The following BRD1 variants were observed in gnomAD, a reference collection of about 807,000 sequenced individuals.
The protein encoded by BRD1 is bromodomain containing 1.
A neutral mutation model predicts 107.7 loss-of-function variants in BRD1; 24 were observed. The observed-to-expected ratio is 0.22, with a 90% CI of 0.16 to 0.31. The LOEUF (loss-of-function observed/expected upper bound fraction) is 0.31, where lower values mean the gene tolerates loss of function less well. Ranked by LOEUF, BRD1 falls within the 10% of genes least tolerant of loss-of-function variation. The pLI is 1.00. For synonymous variants in BRD1, 744 were observed against 686.1 expected (o/e 1.08, Z -1.32); for missense variants, 1,279 against 1,638.6 (o/e 0.78, Z 3.79).
rs2060123354 is a variant in BRD1, at chr22:49,824,346, A to G, written c.-14-15T>C. On this transcript the variant is annotated splice_polypyrimidine_tract_variant and intron_variant, in intron 1 of 12. Transcript: ENST00000404760. This position sits in a 1 kb window ranked among gnomAD's most constrained non-coding sequence, Gnocchi z 5.9. ...GTAATGATTACCTAAAATGAAGGCA[A>G]AAGTAAAGGTAATTCTACGCAGGGT... is the stretch of plus-strand genomic sequence containing the variant. 6.2e-7 allele frequency: 1 copy of G among 1,608,690 alleles called. No homozygotes were observed. The highest frequency in any genetic ancestry group is 1.3e-5 in the African/African-American group (1 of 74,700).
chr22:49,793,061 G>T (rs2059464098), intron 7 of BRD1, among the ~76,000 whole-genome samples: 2 of 152,206 alleles, frequency 1.3e-5, no homozygotes, highest in South Asian at 2.1e-4. Flanking sequence ...ATGTGCAGGG[G>T]AAGGGCAAGA....
rs2059453619 is a variant in BRD1, at chr22:49,792,505, G to GA, written c.2359+1528dup. Among the ~76,000 whole-genome samples, 2 of 152,204 alleles carry GA rather than the reference G, an allele frequency of 1.3e-5. No homozygotes were observed. The highest frequency in any genetic ancestry group is 2.4e-5 in the African/African-American group (1 of 41,436). On this transcript the variant is annotated intron_variant, in intron 7 of 12. Transcript: ENST00000404760. The surrounding 1 kb of genome is among the most constrained non-coding windows in gnomAD (Gnocchi z 4.2). ...GGGTCCTGTAGGCAAACGTTCCTCAGAAAAAACACGAGGCCCCCAAAGCAG... is the reference window on the plus strand; with the variant it reads ...GGGTCCTGTAGGCAAACGTTCCTCAGAAAAAAACACGAGGCCCCCAAAGCAG...
chr22:49,806,452 T>TA, intron 2 of BRD1: 1 of 151,748 alleles, frequency 6.6e-6, no homozygotes, highest in African/African-American at 2.4e-5. Flanking sequence ...ACCCCAAAAT[T>TA]AGAGTGAGGA....
intron 7 of BRD1, among the ~76,000 whole-genome samples, chr22:49,791,737 C>T (rs6009876): frequency 0.05 from 7,644 of 152,016 alleles, 570 homozygotes; most frequent in African/African-American, 0.16. Context: ...CGCCCCACCT[C>T]TCCAGAGACC....
chr22:49,826,153 G>A lies in BRD1; in HGVS notation c.-15+1344C>T, dbSNP rs1035664407. ...AGAAGCAACAGTTGGTTACTCACCAGATCAGAAACGAACCTGTCATTTTCC... is the reference window on the plus strand; with the variant it reads ...AGAAGCAACAGTTGGTTACTCACCAAATCAGAAACGAACCTGTCATTTTCC... On this transcript the variant is annotated intron_variant, in intron 1 of 12. Transcript: ENST00000404760. 9.1e-6 allele frequency: 9 copies of A among 984,786 alleles called. No individual in the cohort carries two copies. The South Asian group carries it at 4.2e-4, about 46-fold the overall frequency. The allele number at this position is 984,786 out of a possible 1,614,324, so 61.0% of individuals were successfully genotyped here. A position where few individuals can be genotyped will look rare whatever the true frequency, so the allele number is the denominator to read the frequency against.
chr22:49,799,441 C>T (rs2059599954), intron 3 of BRD1, among the ~76,000 whole-genome samples: 1 of 152,202 alleles, frequency 6.6e-6, no homozygotes, highest in East Asian at 1.9e-4. Context: ...CTTCACAGAA[C>T]CAGAAAGGCC....
At chr22:49,788,695 G>A (rs541061079) in intron 7 of BRD1, among the ~76,000 whole-genome samples, 11 of 152,168 alleles carry the variant, frequency 7.2e-5, no homozygotes, top group African/African-American at 1.2e-4. Flanking sequence ...GCTCTGGCAC[G>A]AGGCTAACAG....
chr22:49,809,102 T>A (rs897775520), intron 2 of BRD1, among the ~76,000 whole-genome samples: 2 of 146,200 alleles, frequency 1.4e-5, no homozygotes, highest in Admixed American at 1.4e-4. Flanking sequence ...CTGGGCAACA[T>A]AGCAAGACTC....
chr22:49,778,793 C>T (rs1017865923), intron 8 of BRD1, among the ~76,000 whole-genome samples: 2 of 152,172 alleles, frequency 1.3e-5, no homozygotes, highest in Non-Finnish European at 2.9e-5. Context: ...TCCCGAGTAG[C>T]TGGGACTACA....
chr22:49,824,027 G>A lies in BRD1; in HGVS notation c.291C>T (p.Val97=), dbSNP rs2060117943. The A allele has an allele frequency of 6.2e-7, 1 of 1,613,760 alleles. No homozygotes were observed. Among genetic ancestry groups the A allele is most frequent in the Non-Finnish European group, 8.5e-7 (1 of 1,180,026 alleles). ...LRTKRHKNNR[V]KKKNEALPSA... ...TGGGGAGGGCCTCGTTTTTCTTTTT[G>A]ACTCTGTTGTTTTTGTGACGCTTAG... is the stretch of plus-strand genomic sequence containing the variant. The change falls in exon 2 of 13, where the codon GTC becomes GTT. Residue 97 remains valine, a synonymous_variant. Coordinates refer to ENST00000404760, the MANE Select transcript of BRD1 (RefSeq NM_001304808.3). The surrounding 1 kb of genome is among the most constrained non-coding windows in gnomAD (Gnocchi z 5.9).
At chr22:49,816,631 G>A (rs913400882) in intron 2 of BRD1, among the ~76,000 whole-genome samples, 2 of 152,182 alleles carry the variant, frequency 1.3e-5, no homozygotes, top group Non-Finnish European at 2.9e-5. Flanking sequence ...GGGCGAGGTG[G>A]CTCACACCTG....
Position 49,823,210 on chromosome 22 carries a change from G to C in BRD1, c.1108C>G (p.Leu370Val), listed in dbSNP as rs773660738. 1 of 1,614,242 alleles carries C rather than the reference G, an allele frequency of 6.2e-7. No individual in the cohort carries two copies. The highest frequency in any genetic ancestry group is 8.5e-7 in the Non-Finnish European group (1 of 1,180,044). Reference protein sequence around the residue: ...LYMKMEPVKELTGGGTTFSVR... With the variant: ...LYMKMEPVKEVTGGGTTFSVR... ...GAGAAGGTGGTGCCACCGCCAGTCA[G>C]TTCCTTCACGGGCTCCATTTTCATG... Residue 370 changes from leucine (L) to valine (V), a missense_variant, in exon 2 of 13, where the codon CTG (leucine) becomes GTG (valine). Around this residue, in one of 7 missense-constraint regions of BRD1, gnomAD observed 158 missense variants for 310.2 expected, o/e 0.51. Transcript: ENST00000404760.
intron 7 of BRD1, among the ~76,000 whole-genome samples, chr22:49,789,498 C>A (rs541849411): frequency 2.0e-5 from 3 of 150,984 alleles, no homozygotes; most frequent in Admixed American, 6.6e-5. Flanking sequence ...CCTCCCCCCC[C>A]CGCCCCGAGC....
chr22:49,800,659 G>T (rs1356642256), intron 3 of BRD1, among the ~76,000 whole-genome samples: 2 of 152,176 alleles, frequency 1.3e-5, no homozygotes, highest in Admixed American at 6.5e-5. Context: ...GCAGTGGCAG[G>T]GGCCCCGTTG....
At chr22:49,822,525 T>C (rs1742973611) in intron 2 of BRD1, among the ~76,000 whole-genome samples, 1 of 150,570 alleles carries the variant, frequency 6.6e-6, no homozygotes, top group South Asian at 2.1e-4. Flanking sequence ...CTAGCCAACA[T>C]GGTGAAACCC....
intron 3 of BRD1, among the ~76,000 whole-genome samples, chr22:49,801,814 C>CCCCTT (rs1258865725): frequency 6.6e-6 from 1 of 152,208 alleles, no homozygotes; most frequent in Non-Finnish European, 1.5e-5. Context: ...TGCAACCCTC[C>CCCCTT]CCCTTCCCTT....
chr22:49,807,582 G>C (rs1270827441), intron 2 of BRD1, among the ~76,000 whole-genome samples: 1 of 152,176 alleles, frequency 6.6e-6, no homozygotes, highest in East Asian at 1.9e-4. Flanking sequence ...TGTGAAGTTG[G>C]ACCTTGCCTC....
chr22:49,791,866 G>C (rs66513329), intron 7 of BRD1, among the ~76,000 whole-genome samples: 1 of 152,124 alleles, frequency 6.6e-6, no homozygotes, highest in Non-Finnish European at 1.5e-5. Context: ...CATCAATTGA[G>C]TCATTGTGAA....
chr22:49,804,306 C>T lies in BRD1; in HGVS notation c.1422G>A (p.Glu474=). The change falls in exon 3 of 13, where the codon GAG becomes GAA. Residue 474 remains glutamate (E), a synonymous_variant. Coordinates refer to ENST00000404760, the MANE Select transcript of BRD1 (RefSeq NM_001304808.3). ...VAIQRKKQFV[E]RAHSYWLLKR... is the part of the protein sequence containing the mutation. ...TGAGCAGCCAGTAGCTGTGGGCTCG[C>T]TCCACAAACTGCTTCTTCCGCTGAA... 1 of 1,610,482 alleles carries T rather than the reference C, an allele frequency of 6.2e-7. No homozygotes were observed. The highest frequency in any genetic ancestry group is 8.5e-7 in the Non-Finnish European group (1 of 1,178,256).
Sources: gnomAD v4.1 joint callset for allele counts (sites outside exome capture counted in the v4.1 genomes callset) on GRCh38, gnomAD v4.1.1 for gene constraint, gnomAD v4.1.1 regional missense constraint, Gnocchi (gnomAD v3.1) non-coding constraint, MANE v1.5 for transcripts, NCBI Gene and HGNC (gene_info 2026-07-23, HGNC 2026-07-21) for gene names.